Variants in C1orf105 observed in about 807,000 individuals in gnomAD.
The protein encoded by C1orf105 is chromosome 1 open reading frame 105, also known as uncharacterized protein C1orf105.
A neutral mutation model predicts 20.8 loss-of-function variants in C1orf105; 17 were observed. That is an observed-to-expected ratio of 0.82 (90% CI 0.56 to 1.23). C1orf105 has a LOEUF of 1.23. Among genes scored for constraint, C1orf105 ranks in the 50% most tolerant of loss-of-function variants. The pLI, the probability that C1orf105 is intolerant of heterozygous loss-of-function variation, is 0.00. For synonymous variants in C1orf105, 72 were observed against 72.1 expected, an observed-to-expected ratio of 1.00 and a Z score of 0.01; for missense variants, 219 against 213.5, an observed-to-expected ratio of 1.03 and a Z score of -0.16.
chr1:172,421,449 C>T (rs926008603), intron 1 of C1orf105, among the ~76,000 whole-genome samples: 1 of 152,292 alleles, frequency 6.6e-6, no homozygotes, highest in South Asian at 2.1e-4. Context: ...TACCATAGTA[C>T]AGGTGCTCCT....
At chr1:172,442,725 T>G in intron 1 of C1orf105, 1 of 994,490 alleles carries the variant, frequency 1.0e-6, no homozygotes, top group Non-Finnish European at 1.5e-6. Context: ...CCCTGGAAAT[T>G]CCATGCTGTG....
At chr1:172,430,167 T>C in intron 1 of C1orf105, 1 of 503,546 alleles carries the variant, frequency 2.0e-6, no homozygotes, top group Non-Finnish European at 3.6e-6. Flanking sequence ...CTCTAAATCA[T>C]TCATATTCTA....
chr1:172,425,626 C>A (rs778610248), intron 1 of C1orf105, among the ~76,000 whole-genome samples: 19 of 152,126 alleles, frequency 1.2e-4, no homozygotes, highest in Non-Finnish European at 1.5e-4. Flanking sequence ...CACCTAAGCT[C>A]TGATCACTTT....
rs138124139 is a variant in C1orf105 at position 172,463,178 on chromosome 1, A to C, written c.341+933A>C. Reference sequence around the variant, plus strand: ...AACATGCAAAACATGGACTCATTCTAAACAGGACATCAACACAGGTCAACT... The same window carrying C: ...AACATGCAAAACATGGACTCATTCTCAACAGGACATCAACACAGGTCAACT... On this transcript the variant is annotated intron_variant, in intron 5 of 6. Coordinates refer to ENST00000367727, the MANE Select transcript of C1orf105 (RefSeq NM_139240.4). Among the ~76,000 whole-genome samples, 92 of 152,352 alleles carry C rather than the reference A, an allele frequency of 6.0e-4. 1 individual carries two copies. Among genetic ancestry groups the C allele is most frequent in the Non-Finnish European group, 1.0e-3 (71 of 68,034 alleles).
intron 3 of C1orf105, chr1:172,452,716 GA>G (rs1053382228): frequency 2.5e-5 from 23 of 924,762 alleles, no homozygotes; most frequent in Non-Finnish European, 2.8e-5. Context: ...GGCTTCTGGG[GA>G]CTGGCTGAAA....
chr1:172,448,629 G>A, intron 3 of C1orf105, 98 bp downstream of exon 3: 3 of 710,628 alleles, frequency 4.2e-6, no homozygotes, highest in Non-Finnish European at 7.5e-6. Flanking sequence ...CCCTGTGCTT[G>A]GTACACCATC....
At chr1:172,435,816 C>T (rs970969346) in intron 1 of C1orf105, among the ~76,000 whole-genome samples, 1 of 152,148 alleles carries the variant, frequency 6.6e-6, no homozygotes, top group Non-Finnish European at 1.5e-5. Flanking sequence ...GTCCCTGTTT[C>T]CAGATGACAT....
At chr1:172,438,344 G>A (rs1483429368) in intron 1 of C1orf105, among the ~76,000 whole-genome samples, 1 of 152,164 alleles carries the variant, frequency 6.6e-6, no homozygotes, top group South Asian at 2.1e-4. Flanking sequence ...CTTGTGAGAG[G>A]AGGTCAAAAT....
intron 1 of C1orf105, among the ~76,000 whole-genome samples, chr1:172,434,512 A>G (rs949772237): frequency 1.4e-4 from 22 of 152,236 alleles, no homozygotes; most frequent in African/African-American, 5.3e-4. Flanking sequence ...TACTGGGTAC[A>G]TAACAAAATG....
chr1:172,453,331 A>G, intron 3 of C1orf105: 1 of 1,110,520 alleles, frequency 9.0e-7, no homozygotes, highest in South Asian at 1.8e-5. Context: ...AGTTTATATG[A>G]TTGACAAAAG....
At chr1:172,449,522 G>C (rs1446325797) in intron 3 of C1orf105, among the ~76,000 whole-genome samples, 1 of 152,172 alleles carries the variant, frequency 6.6e-6, no homozygotes, top group Non-Finnish European at 1.5e-5. Context: ...AAGATTATCA[G>C]CAAAGAGGTG....
At chr1:172,426,954 G>C (rs1265140470) in intron 1 of C1orf105, among the ~76,000 whole-genome samples, 1 of 152,106 alleles carries the variant, frequency 6.6e-6, no homozygotes, top group African/African-American at 2.4e-5. Context: ...AACTGTACAT[G>C]GTCTGGAAAG....
At chr1:172,436,906 C>A (rs1007243827) in intron 1 of C1orf105, among the ~76,000 whole-genome samples, 2 of 151,994 alleles carry the variant, frequency 1.3e-5, no homozygotes, top group Admixed American at 6.6e-5. Flanking sequence ...AAAAAAACAA[C>A]CCCATCAAAA....
At chr1:172,463,830 C>T (rs1027098387) in intron 5 of C1orf105, among the ~76,000 whole-genome samples, 1 of 152,168 alleles carries the variant, frequency 6.6e-6, no homozygotes, top group Non-Finnish European at 1.5e-5. Flanking sequence ...ATCATGTCAA[C>T]ATCAACCAGA....
intron 1 of C1orf105, chr1:172,444,026 C>G: frequency 1.0e-6 from 1 of 1,000,124 alleles, no homozygotes; most frequent in South Asian, 4.7e-5. Context: ...GGGACGGCGG[C>G]ACCCAGCCTT....
chr1:172,435,577 G>A (rs2072015141), intron 1 of C1orf105, among the ~76,000 whole-genome samples: 1 of 152,086 alleles, frequency 6.6e-6, no homozygotes, highest in South Asian at 2.1e-4. Flanking sequence ...AATTAACTAG[G>A]TATTGATGGA....
In C1orf105 at chr1:172,444,101, C is replaced by T. The variant is rs1324405935; in HGVS notation, c.22-972C>T. ...GCACTTCCGGGTCCGCCGCAATCTC[C>T]TTAGCGAGGGCACCCTTCCCCGGCT... On this transcript the variant is annotated intron_variant, in intron 1 of 6. Coordinates refer to ENST00000367727, the MANE Select transcript of C1orf105 (RefSeq NM_139240.4). 6 of 994,964 alleles carry T rather than the reference C, an allele frequency of 6.0e-6. No homozygotes were observed. In the African/African-American group the frequency reaches 8.7e-5, roughly 14 times the overall value. 61.6% of individuals were successfully genotyped at this position (994,964 alleles called of 1,614,324 possible). A position where few individuals can be genotyped will look rare whatever the true frequency, so the allele number is the denominator to read the frequency against.
intron 6 of C1orf105, among the ~76,000 whole-genome samples, chr1:172,466,674 A>G (rs545253348): frequency 1.3e-5 from 2 of 152,262 alleles, no homozygotes; most frequent in African/African-American, 4.8e-5. Context: ...TTGGTCCTAG[A>G]GAACAATGTA....
chr1:172,422,425 G>T (rs1273288751), intron 1 of C1orf105, among the ~76,000 whole-genome samples: 1 of 152,164 alleles, frequency 6.6e-6, no homozygotes, highest in Non-Finnish European at 1.5e-5. Context: ...AGTCTTGGCA[G>T]ATTTCATCAC....
Sources: gnomAD v4.1 joint callset for allele counts (sites outside exome capture counted in the v4.1 genomes callset) on GRCh38, gnomAD v4.1.1 for gene constraint, MANE v1.5 for transcripts, NCBI Gene and HGNC (gene_info 2026-07-23, HGNC 2026-07-21) for gene names.